The following LHFPL6 variants were observed in gnomAD, a reference collection of about 807,000 sequenced individuals.
LHFPL6 encodes the protein LHFPL tetraspan subfamily member 6 protein.
In LHFPL6, 9 loss-of-function variants were observed where a neutral mutation model predicts 20.6. The ratio of observed to expected loss-of-function variants is 0.44; its 90% CI spans 0.26 to 0.76. The LOEUF is 0.76. Ranked by LOEUF, LHFPL6 falls within the 30% of genes least tolerant of loss-of-function variation. LHFPL6 has a pLI of 0.20. For missense variants in LHFPL6, 218 were observed against 253.5 expected, an observed-to-expected ratio of 0.86 and a Z score of 0.95; for synonymous variants, 105 against 98.7, an observed-to-expected ratio of 1.06 and a Z score of -0.38.
chr13:39,574,655 T>C (rs1872053476), intron 2 of LHFPL6, among the ~76,000 whole-genome samples: 1 of 152,160 alleles, frequency 6.6e-6, no homozygotes, highest in African/African-American at 2.4e-5. Flanking sequence ...CATCCATAGT[T>C]AGCTGGATGA....
intron 2 of LHFPL6, among the ~76,000 whole-genome samples, chr13:39,400,522 G>T (rs998602714): frequency 6.6e-6 from 1 of 152,052 alleles, no homozygotes; most frequent in Non-Finnish European, 1.5e-5. Context: ...GGTGGCTCAC[G>T]CCTGTAATCC....
At chr13:39,370,406 A>C (rs1870135648) in intron 3 of LHFPL6, among the ~76,000 whole-genome samples, 1 of 152,214 alleles carries the variant, frequency 6.6e-6, no homozygotes, top group Non-Finnish European at 1.5e-5. Context: ...TTTAAGTGTC[A>C]AAAGTTTAGA....
At chr13:39,354,473 G>A (rs1237869587) in intron 3 of LHFPL6, among the ~76,000 whole-genome samples, 2 of 152,216 alleles carry the variant, frequency 1.3e-5, no homozygotes. Flanking sequence ...TGGCAATTCA[G>A]AAAGTCAGAG....
chr13:39,562,633 T>TACAC (rs1871569152), intron 2 of LHFPL6, among the ~76,000 whole-genome samples: 1 of 92,156 alleles, frequency 1.1e-5, no homozygotes, highest in Non-Finnish European at 2.7e-5. Flanking sequence ...TACACACATA[T>TACAC]ATATACACAT....
chr13:39,514,668 G>A (rs984936919), intron 2 of LHFPL6, among the ~76,000 whole-genome samples: 10 of 152,208 alleles, frequency 6.6e-5, no homozygotes, highest in Non-Finnish European at 1.5e-4. Context: ...GGCGGGCAAG[G>A]TTACATCCCC....
intron 2 of LHFPL6, among the ~76,000 whole-genome samples, chr13:39,556,267 C>G (rs1228064352): frequency 6.6e-6 from 1 of 152,166 alleles, no homozygotes; most frequent in Non-Finnish European, 1.5e-5. Context: ...AGCTTTGGAA[C>G]TTGGTAATGG....
chr13:39,383,245 A>G (rs1870486718), intron 2 of LHFPL6, among the ~76,000 whole-genome samples: 1 of 152,156 alleles, frequency 6.6e-6, no homozygotes, highest in Non-Finnish European at 1.5e-5. Flanking sequence ...TTCAACACTC[A>G]GTGGACAAAT....
At chr13:39,544,031 A>G (rs969127668) in intron 2 of LHFPL6, among the ~76,000 whole-genome samples, 1 of 152,190 alleles carries the variant, frequency 6.6e-6, no homozygotes, top group Non-Finnish European at 1.5e-5. Context: ...CTTTTATTTC[A>G]ATGGGCAAGA....
chr13:39,424,230 A>AC (rs1157004765), intron 2 of LHFPL6, among the ~76,000 whole-genome samples: 1 of 152,186 alleles, frequency 6.6e-6, no homozygotes, highest in Non-Finnish European at 1.5e-5. Context: ...AAATAATTTG[A>AC]CCTTAGATCT....
chr13:39,543,786 G>A (rs900442734), intron 2 of LHFPL6, among the ~76,000 whole-genome samples: 3 of 152,162 alleles, frequency 2.0e-5, no homozygotes, highest in Admixed American at 2.0e-4. Context: ...ATCTACGACT[G>A]TAGCCTAAAA....
At chr13:39,511,174 A>C (rs766471597) in intron 2 of LHFPL6, among the ~76,000 whole-genome samples, 4 of 152,084 alleles carry the variant, frequency 2.6e-5, no homozygotes, top group African/African-American at 9.7e-5. Flanking sequence ...CACCTAGCCA[A>C]AATATTTTCT....
intron 2 of LHFPL6, among the ~76,000 whole-genome samples, chr13:39,498,943 C>T (rs947084113): frequency 3.3e-5 from 5 of 152,164 alleles, no homozygotes; most frequent in African/African-American, 1.2e-4. Context: ...TCACTGCAAC[C>T]TCCACCTCCC....
intron 2 of LHFPL6, among the ~76,000 whole-genome samples, chr13:39,480,501 C>G (rs562312350): frequency 1.3e-5 from 2 of 152,268 alleles, no homozygotes; most frequent in Middle Eastern, 3.4e-3. Flanking sequence ...GGCAGAACCC[C>G]CTGAGATACA....
chr13:39,343,656 A>T lies in LHFPL6; in HGVS notation c.*280T>A. On this transcript the variant is annotated 3_prime_UTR_variant, in exon 4 of 4. Coordinates refer to ENST00000379589, the MANE Select transcript of LHFPL6 (RefSeq NM_005780.3). ...GTGTGTGTGTGTGTGTGTGTTGTAC[A>T]TTAACAATACTCTGTGGAATAGAAA... The T allele has an allele frequency of 3.0e-6, 1 of 336,610 alleles. No homozygotes were observed. The highest frequency in any genetic ancestry group is 4.8e-5 in the East Asian group (1 of 20,626). 20.9% of individuals were successfully genotyped at this position (336,610 alleles called of 1,614,324 possible).
intron 2 of LHFPL6, among the ~76,000 whole-genome samples, chr13:39,431,738 C>T (rs987584960): frequency 6.7e-6 from 1 of 148,598 alleles, no homozygotes; most frequent in Admixed American, 6.7e-5. Flanking sequence ...GGCTTCCTCT[C>T]ATATTCCACA....
intron 2 of LHFPL6, among the ~76,000 whole-genome samples, chr13:39,502,354 C>T (rs978348004): frequency 1.3e-5 from 2 of 152,070 alleles, no homozygotes; most frequent in African/African-American, 4.8e-5. Flanking sequence ...CACAATGGCT[C>T]ACACCTGTAA....
chr13:39,412,999 T>G (rs531624759), intron 2 of LHFPL6, among the ~76,000 whole-genome samples: 1 of 152,218 alleles, frequency 6.6e-6, no homozygotes, highest in Admixed American at 6.5e-5. Context: ...AGGCACTCTC[T>G]TAACATCTTC....
intron 2 of LHFPL6, among the ~76,000 whole-genome samples, chr13:39,563,272 A>G (rs1484192727): frequency 6.6e-6 from 1 of 152,224 alleles, no homozygotes; most frequent in Non-Finnish European, 1.5e-5. Flanking sequence ...AATAACTTTA[A>G]ATTATATAGA....
At chr13:39,545,173 G>A (rs1870940052) in intron 2 of LHFPL6, among the ~76,000 whole-genome samples, 1 of 148,184 alleles carries the variant, frequency 6.7e-6, no homozygotes, top group Non-Finnish European at 1.5e-5. Context: ...GTGAACCCAG[G>A]AGGTGGAGCT....
Sources: allele counts gnomAD v4.1 joint callset (sites outside exome capture counted in the v4.1 genomes callset), GRCh38; gene constraint gnomAD v4.1.1; transcripts MANE v1.5; gene names NCBI Gene and HGNC (gene_info 2026-07-23, HGNC 2026-07-21).